Variants in PLEKHA5 observed in about 807,000 individuals in gnomAD.
PLEKHA5 encodes pleckstrin homology domain containing A5, also known as pleckstrin homology domain-containing family A member 5.
Under a neutral mutation model 181.9 loss-of-function variants are expected in PLEKHA5, and 55 were observed. That is an observed-to-expected ratio of 0.30 (90% confidence interval 0.24 to 0.38). The LOEUF (loss-of-function observed/expected upper bound fraction) is 0.38. Among genes scored for constraint, PLEKHA5 ranks in the 10% least tolerant of loss-of-function variants. The probability of loss-of-function intolerance (pLI) is 1.00; values close to 1 mark genes in which losing one functional copy is unlikely to be tolerated. For missense variants in PLEKHA5, 1,432 were observed against 1,549.5 expected (o/e 0.92, Z 1.27); for synonymous variants, 535 against 529.4 (o/e 1.01, Z -0.15).
intron 3 of PLEKHA5, among the ~76,000 whole-genome samples, chr12:19,231,837 A>G (rs2060673085): frequency 6.6e-6 from 1 of 151,852 alleles, no homozygotes; most frequent in Non-Finnish European, 1.5e-5. Context: ...CTGACTGGAA[A>G]TTTTTCTAGA....
chr12:19,340,655 C>T (rs2093826099), intron 21 of PLEKHA5, among the ~76,000 whole-genome samples: 1 of 143,238 alleles, frequency 7.0e-6, no homozygotes. Context: ...GACCTTACCC[C>T]CAACCCTGTG....
chr12:19,149,443 G>A (rs1377620691), intron 3 of PLEKHA5: 1 of 146,994 alleles, frequency 6.8e-6, no homozygotes, highest in Non-Finnish European at 1.5e-5. Context: ...GGCGGAGCTT[G>A]CAGTGAGCCG....
At chr12:19,284,838 C>T (rs2076896432) in intron 12 of PLEKHA5, among the ~76,000 whole-genome samples, 1 of 152,036 alleles carries the variant, frequency 6.6e-6, no homozygotes, top group Admixed American at 6.6e-5. Flanking sequence ...GGAGCCAAGG[C>T]CATAGGATCA....
At chr12:19,259,418 C>T (rs1223714518) in intron 6 of PLEKHA5, among the ~76,000 whole-genome samples, 1 of 151,674 alleles carries the variant, frequency 6.6e-6, no homozygotes, top group Non-Finnish European at 1.5e-5. Flanking sequence ...TATTTGTTTA[C>T]AGTGTCCCTT....
At chr12:19,354,143 CTTTTTT>C (rs750923063) in intron 26 of PLEKHA5, 141 bp downstream of exon 26, 68 of 74,866 alleles carry the variant, frequency 9.1e-4, no homozygotes, top group Non-Finnish European at 1.2e-3. Context: ...ATTCTTTATT[CTTTTTT>C]TTTTTTTTTT....
intron 3 of PLEKHA5, among the ~76,000 whole-genome samples, chr12:19,183,635 C>T (rs938928630): frequency 6.6e-6 from 1 of 152,096 alleles, no homozygotes; most frequent in Non-Finnish European, 1.5e-5. Context: ...CTGCTCTGCC[C>T]CAAAAGGCCA....
chr12:19,179,365 A>G (rs998137008), intron 3 of PLEKHA5, among the ~76,000 whole-genome samples: 1 of 152,162 alleles, frequency 6.6e-6, no homozygotes, highest in African/African-American at 2.4e-5. Context: ...GAACAAAAGA[A>G]TGAAGTGTTG....
At chr12:19,228,804 G>GA (rs140772088) in intron 3 of PLEKHA5, among the ~76,000 whole-genome samples, 2,195 of 152,032 alleles carry the variant, frequency 0.014, 25 homozygotes, top group Non-Finnish European at 0.023. Context: ...ACAGGATCTA[G>GA]AAAAAATGCT....
intron 28 of PLEKHA5, among the ~76,000 whole-genome samples, chr12:19,359,945 G>A (rs970630690): frequency 2.6e-5 from 4 of 151,242 alleles, no homozygotes; most frequent in Admixed American, 1.3e-4. Flanking sequence ...CAGCCTGGGC[G>A]ACAGAGGGAG....
chr12:19,238,848 G>A (rs1446346133), intron 3 of PLEKHA5, among the ~76,000 whole-genome samples: 1 of 149,808 alleles, frequency 6.7e-6, no homozygotes, highest in African/African-American at 2.4e-5. Flanking sequence ...AGAGCTGTGG[G>A]GATAACTTGA....
intron 3 of PLEKHA5, among the ~76,000 whole-genome samples, chr12:19,231,975 T>A (rs2152390959): frequency 6.6e-6 from 1 of 152,186 alleles, no homozygotes; most frequent in South Asian, 2.1e-4. Flanking sequence ...AAAGGGGATA[T>A]AAATATAACC....
chr12:19,280,411 C>G (rs2075802660), intron 11 of PLEKHA5, among the ~76,000 whole-genome samples: 1 of 152,082 alleles, frequency 6.6e-6, no homozygotes, highest in Admixed American at 6.6e-5. Context: ...AAAGAGAGCT[C>G]TTATATCCAG....
Position 19,365,098 on chromosome 12 carries a change from G to A in PLEKHA5, c.3609-866G>A, listed in dbSNP as rs576844077. Among the ~76,000 whole-genome samples, 7 of 152,164 alleles carry A rather than the reference G, an allele frequency of 4.6e-5. No homozygotes were observed. In the East Asian group the frequency reaches 7.7e-4, roughly 17 times the overall value. ...TAAAATCATATAACTTTGGCCAGGC[G>A]CAGTAGGTCACGCCTGTAATCCCAC... On this transcript the variant is annotated intron_variant, in intron 29 of 31. Coordinates refer to ENST00000429027, the MANE Select transcript of PLEKHA5 (RefSeq NM_001256470.2).
Position 19,322,219 on chromosome 12 carries a change from AAT to A in PLEKHA5, c.2218-87_2218-86del. On this transcript the variant is annotated intron_variant, in intron 18 of 31. Transcript: ENST00000429027. The stretch of plus-strand genomic sequence containing the variant: ...CTATATTTTAACTTTTATTGATTGA[AAT>A]ATAGATTTTTGGTCATATAATGACT... 4.0e-6 allele frequency: 3 copies of A among 750,358 alleles called. No individual in the cohort carries two copies. The South Asian group carries it at 4.8e-5, about 12-fold the overall frequency. 46.5% of individuals were successfully genotyped at this position (750,358 alleles called of 1,614,324 possible).
chr12:19,175,101 A>T lies in PLEKHA5; in HGVS notation c.227+42651A>T, dbSNP rs368160156. On this transcript the variant is annotated intron_variant, in intron 3 of 31. Transcript: ENST00000429027. ...GAAGACAGCTGGAATGAGGTATCTT[A>T]TTCCTGTATCAAATTGGCAAAGATT... 4.6e-5 allele frequency among the ~76,000 whole-genome samples: 7 copies of T among 152,366 alleles called. No homozygotes were observed. In the East Asian group the frequency reaches 1.2e-3, roughly 25 times the overall value.
At chr12:19,148,016 C>T (rs368656463) in intron 3 of PLEKHA5, among the ~76,000 whole-genome samples, 2 of 1,076 alleles carry the variant, frequency 1.9e-3, no homozygotes, top group Non-Finnish European at 0.022. Context: ...AGATTATAGG[C>T]ATTGAGCAGC....
chr12:19,359,688 G>A (rs12809600), intron 28 of PLEKHA5, 142 bp downstream of exon 28: 55,473 of 805,492 alleles, frequency 0.069, 2,225 homozygotes, highest in Middle Eastern at 0.13. Context: ...TTCTGGCCGG[G>A]CGCGGTGGCT....
At chr12:19,347,882 CTTTTTTTTTTT>C (rs527719770) in intron 24 of PLEKHA5, among the ~76,000 whole-genome samples, 12 of 119,816 alleles carry the variant, frequency 1.0e-4, no homozygotes, top group African/African-American at 3.8e-4. Context: ...CAGAAATATT[CTTTTTTTTTTT>C]TTTTTTTTTG....
chr12:19,227,095 G>T lies in PLEKHA5; in HGVS notation c.228-26845G>T, dbSNP rs541440325. 6.6e-5 allele frequency among the ~76,000 whole-genome samples: 10 copies of T among 152,074 alleles called. No homozygotes were observed. In the East Asian group the frequency reaches 1.7e-3, roughly 27 times the overall value. Reference sequence around the variant, plus strand: ...GCAGCTTAATCTTTTGTTGCTCATTGTTAATGTTTTCAGTTTCTTAATACA... The same window carrying T: ...GCAGCTTAATCTTTTGTTGCTCATTTTTAATGTTTTCAGTTTCTTAATACA... On this transcript the variant is annotated intron_variant, in intron 3 of 31. Coordinates refer to ENST00000429027, the MANE Select transcript of PLEKHA5 (RefSeq NM_001256470.2).
Sources: gnomAD v4.1 joint callset for allele counts (sites outside exome capture counted in the v4.1 genomes callset) on GRCh38, gnomAD v4.1.1 for gene constraint, MANE v1.5 for transcripts, NCBI Gene and HGNC (gene_info 2026-07-23, HGNC 2026-07-21) for gene names.